CAMK4: variants seen among roughly 807,000 people sequenced by gnomAD.
CAMK4 encodes the protein calcium/calmodulin dependent protein kinase IV.
Under a neutral mutation model 44.9 loss-of-function variants are expected in CAMK4, and 22 were observed. That is an observed-to-expected ratio of 0.49 (90% CI 0.35 to 0.70). CAMK4 has a LOEUF of 0.70. Ranked by LOEUF, CAMK4 falls within the 30% of genes least tolerant of loss-of-function variation. The pLI is 0.01. For missense variants in CAMK4, 498 were observed against 586.8 expected (o/e 0.85, Z 1.56); for synonymous variants, 218 against 215.4 (o/e 1.01, Z -0.11).
intron 2 of CAMK4, chr5:111,365,221 A>G (rs149809606): frequency 6.6e-6 from 1 of 152,264 alleles, no homozygotes; most frequent in African/African-American, 2.4e-5. Flanking sequence ...TTATTAGTAT[A>G]TACTAGTGGA....
rs1431129339 is a variant in CAMK4, at chr5:111,478,487, T to A, written c.808T>A (p.Ser270Thr). The change falls in exon 9 of 11, where the codon TCT becomes ACT. Residue 270 changes from serine to threonine, a missense_variant. This residue lies in a region of CAMK4 where 203 missense variants were observed against 298.2 expected (regional missense o/e 0.68). Transcript: ENST00000282356. ...TATCTCCCCCTGGTGGGATGAAGTATCTCTAAATGCCAAGGACTTGGTAAG... is the reference window on the plus strand; with the variant it reads ...TATCTCCCCCTGGTGGGATGAAGTAACTCTAAATGCCAAGGACTTGGTAAG... ...YFISPWWDEVSLNAKDLVRKL... is the reference protein window; with the variant it reads ...YFISPWWDEVTLNAKDLVRKL... 2.6e-6 allele frequency: 4 copies of A among 1,543,388 alleles called. No homozygotes were observed. Among genetic ancestry groups the A allele is most frequent in the Admixed American group, 3.5e-5 (2 of 57,740 alleles).
chr5:111,380,139 C>T (rs971392086), intron 4 of CAMK4, among the ~76,000 whole-genome samples: 6 of 151,998 alleles, frequency 3.9e-5, no homozygotes, highest in South Asian at 2.1e-4. Flanking sequence ...GAGCAAGTTT[C>T]GAAGTTTTTT....
At position 111,224,708 on chromosome 5, in the gene CAMK4, G is replaced by A; in HGVS notation, c.161+64G>A. On this transcript the variant is annotated intron_variant, in intron 1 of 10. Transcript: ENST00000282356. The surrounding 1 kb of genome is among the most constrained non-coding windows in gnomAD (Gnocchi z 5.7). ...CACTGGGGGTTGTCCCTCTCGCAGCGACGGCTCGGAGGGTGCGGGAGCCTG... is the reference window on the plus strand; with the variant it reads ...CACTGGGGGTTGTCCCTCTCGCAGCAACGGCTCGGAGGGTGCGGGAGCCTG... The A allele has an allele frequency of 6.6e-7, 1 of 1,505,598 alleles. No individual in the cohort carries two copies. 93.3% of individuals were successfully genotyped at this position (1,505,598 alleles called of 1,614,324 possible).
At chr5:111,394,614 G>A (rs1490694030) in intron 4 of CAMK4, 96 bp from the exon 5 acceptor site, 2 of 763,066 alleles carry the variant, frequency 2.6e-6, no homozygotes, top group Non-Finnish European at 4.5e-6. Flanking sequence ...AATTGTTTAT[G>A]TGCACCATCT....
At chr5:111,268,276 G>T (rs956738815) in intron 1 of CAMK4, among the ~76,000 whole-genome samples, 1 of 152,208 alleles carries the variant, frequency 6.6e-6, no homozygotes, top group Non-Finnish European at 1.5e-5. Flanking sequence ...GCCACTTTGA[G>T]ATGATCATAA....
intron 1 of CAMK4, among the ~76,000 whole-genome samples, chr5:111,233,006 C>A (rs373277850): frequency 2.2e-4 from 34 of 152,314 alleles, no homozygotes; most frequent in African/African-American, 8.2e-4. Context: ...AGTGACATGT[C>A]ATTTATGACA....
At chr5:111,354,738 T>G (rs1021726230) in intron 2 of CAMK4, among the ~76,000 whole-genome samples, 6 of 151,926 alleles carry the variant, frequency 3.9e-5, no homozygotes, top group African/African-American at 1.5e-4. Context: ...TAAATAAGAC[T>G]CCTTTGGGCC....
At chr5:111,389,816 C>T (rs955826484) in intron 4 of CAMK4, among the ~76,000 whole-genome samples, 19 of 152,148 alleles carry the variant, frequency 1.2e-4, no homozygotes, top group African/African-American at 4.3e-4. Flanking sequence ...TGGAGAAAGC[C>T]AAGCTCCTGA....
chr5:111,336,481 A>T (rs74915950), intron 1 of CAMK4, among the ~76,000 whole-genome samples: 6 of 39,846 alleles, frequency 1.5e-4, no homozygotes, highest in South Asian at 5.7e-4. Context: ...AATATAGGTT[A>T]TTTTTTTGAG....
intron 1 of CAMK4, among the ~76,000 whole-genome samples, chr5:111,228,180 G>C (rs1028753088): frequency 8.5e-5 from 13 of 152,158 alleles, no homozygotes; most frequent in Admixed American, 4.6e-4. Context: ...TGTATTCCCA[G>C]ACATACAAAT....
intron 1 of CAMK4, among the ~76,000 whole-genome samples, chr5:111,261,498 G>T (rs564740890): frequency 7.3e-5 from 11 of 151,586 alleles, no homozygotes; most frequent in Non-Finnish European, 1.5e-4. Context: ...AACAACCATA[G>T]CAATAATTAT....
At chr5:111,419,218 T>C (rs1243158693) in intron 5 of CAMK4, among the ~76,000 whole-genome samples, 1 of 152,240 alleles carries the variant, frequency 6.6e-6, no homozygotes, top group Non-Finnish European at 1.5e-5. Context: ...TTTTCATGTG[T>C]CTTTTGGCTG....
At chr5:111,320,180 G>A (rs184140826) in intron 1 of CAMK4, among the ~76,000 whole-genome samples, 93 of 152,304 alleles carry the variant, frequency 6.1e-4, no homozygotes, top group Non-Finnish European at 1.0e-3. Flanking sequence ...AGGGAAGACA[G>A]AAGTAGATAA....
At chr5:111,458,036 G>A (rs566978927) in intron 7 of CAMK4, among the ~76,000 whole-genome samples, 3 of 152,298 alleles carry the variant, frequency 2.0e-5, no homozygotes, top group Non-Finnish European at 2.9e-5. Context: ...ATGGGAAAAC[G>A]ACCATCAGGG....
At chr5:111,382,690 G>T (rs1156345999) in intron 4 of CAMK4, among the ~76,000 whole-genome samples, 1 of 152,066 alleles carries the variant, frequency 6.6e-6, no homozygotes, top group Admixed American at 6.6e-5. Flanking sequence ...GATCAGAGAG[G>T]TCTGTTAACT....
At chr5:111,341,963 T>C (rs550833196) in intron 1 of CAMK4, among the ~76,000 whole-genome samples, 8 of 151,484 alleles carry the variant, frequency 5.3e-5, no homozygotes, top group Admixed American at 2.0e-4. Flanking sequence ...ATGAAACACA[T>C]GCAAAAAACA....
intron 5 of CAMK4, among the ~76,000 whole-genome samples, chr5:111,421,723 G>A (rs1027982832): frequency 2.6e-5 from 4 of 151,992 alleles, no homozygotes; most frequent in African/African-American, 9.7e-5. Context: ...GATTTTTAAT[G>A]ATTATGTTGA....
chr5:111,265,495 T>A (rs1750200657), intron 1 of CAMK4, among the ~76,000 whole-genome samples: 1 of 152,226 alleles, frequency 6.6e-6, no homozygotes, highest in Non-Finnish European at 1.5e-5. Context: ...CTGTACTCTA[T>A]ATATACTCCC....
Position 111,492,259 on chromosome 5 carries a change from A to G in CAMK4, c.*7793A>G, listed in dbSNP as rs1240830727. ...AATGAAATATTTAGTAGAAAGTGCA[A>G]TATCAATTTATTAGGAGTACCTAAA... is the stretch of plus-strand genomic sequence containing the variant. On this transcript the variant is annotated 3_prime_UTR_variant, in exon 11 of 11. Transcript: ENST00000282356. The G allele has an allele frequency of 6.6e-6, 1 of 152,246 alleles. No homozygotes were observed. Among genetic ancestry groups the G allele is most frequent in the Non-Finnish European group, 1.5e-5 (1 of 68,044 alleles). The allele number at this position is 152,246 out of a possible 1,614,324, so 9.4% of individuals were successfully genotyped here.
Sources: gnomAD v4.1 joint callset for allele counts (sites outside exome capture counted in the v4.1 genomes callset) on GRCh38, gnomAD v4.1.1 for gene constraint, gnomAD v4.1.1 regional missense constraint, Gnocchi (gnomAD v3.1) non-coding constraint, MANE v1.5 for transcripts, NCBI Gene and HGNC (gene_info 2026-07-23, HGNC 2026-07-21) for gene names.